Variants in STXBP6 observed in about 807,000 individuals in gnomAD.
STXBP6 encodes the protein syntaxin-binding protein 6.
Under a neutral mutation model 26.9 loss-of-function variants are expected in STXBP6, and 21 were observed. The observed-to-expected ratio is 0.78, with a 90% confidence interval of 0.55 to 1.12. The LOEUF (loss-of-function observed/expected upper bound fraction) is 1.12, where lower values mean the gene tolerates loss of function less well. Ranked by LOEUF, STXBP6 falls within the 50% of genes most tolerant of loss-of-function variation. The pLI is 0.00. For missense variants in STXBP6, 232 were observed against 257.9 expected, an observed-to-expected ratio of 0.90 and a Z score of 0.69; for synonymous variants, 97 against 92.6, an observed-to-expected ratio of 1.05 and a Z score of -0.27.
intron 1 of STXBP6, among the ~76,000 whole-genome samples, chr14:25,007,111 C>T (rs1188337584): frequency 6.6e-6 from 1 of 152,230 alleles, no homozygotes; most frequent in Non-Finnish European, 1.5e-5. Context: ...TATGACTATA[C>T]TGAACTATAT....
At chr14:24,892,546 T>C (rs2070829692) in intron 2 of STXBP6, among the ~76,000 whole-genome samples, 1 of 151,892 alleles carries the variant, frequency 6.6e-6, no homozygotes, top group Non-Finnish European at 1.5e-5. Flanking sequence ...CACCCCTTGG[T>C]TTGAGTCTTT....
chr14:25,000,285 G>A (rs188480610), intron 1 of STXBP6, among the ~76,000 whole-genome samples: 2 of 151,394 alleles, frequency 1.3e-5, no homozygotes, highest in Admixed American at 1.3e-4. Flanking sequence ...GGATGGTCTC[G>A]ATCTCCTGAC....
chr14:24,883,946 G>C (rs1247835633), intron 2 of STXBP6, among the ~76,000 whole-genome samples: 1 of 152,186 alleles, frequency 6.6e-6, no homozygotes. Context: ...TTTAAAACAA[G>C]GTTTAAACAT....
At chr14:24,891,007 T>A (rs1490052675) in intron 2 of STXBP6, among the ~76,000 whole-genome samples, 1 of 152,258 alleles carries the variant, frequency 6.6e-6, no homozygotes, top group Non-Finnish European at 1.5e-5. Flanking sequence ...TTTTGACCTT[T>A]ATCCTGAAAC....
At chr14:24,985,988 A>G (rs2140261188) in intron 1 of STXBP6, among the ~76,000 whole-genome samples, 1 of 152,350 alleles carries the variant, frequency 6.6e-6, no homozygotes, top group East Asian at 1.9e-4. Flanking sequence ...TTTTTTAAGT[A>G]AAAAACAGAG....
At chr14:24,995,011 C>CAAAAAAAAAAAAAAAAAAAAACAAAAA (rs34166172) in intron 1 of STXBP6, 1 of 96,604 alleles carries the variant, frequency 1.0e-5, no homozygotes, top group Non-Finnish European at 2.3e-5. Flanking sequence ...GACTCCATGT[C>CAAAAAAAAAAAAAAAAAAAAACAAAAA]AAAAAAAAAA....
chr14:24,881,075 G>A (rs2070339233), intron 2 of STXBP6, among the ~76,000 whole-genome samples: 1 of 151,522 alleles, frequency 6.6e-6, no homozygotes, highest in Non-Finnish European at 1.5e-5. Flanking sequence ...TACTTTGCAG[G>A]TAATGTTACC....
intron 1 of STXBP6, among the ~76,000 whole-genome samples, chr14:25,033,771 T>G (rs1264280305): frequency 6.6e-6 from 1 of 152,236 alleles, no homozygotes; most frequent in Non-Finnish European, 1.5e-5. Flanking sequence ...TTTATGCAAT[T>G]AGTTTAGCTC....
chr14:24,927,215 G>C (rs1261400928), intron 2 of STXBP6, among the ~76,000 whole-genome samples: 2 of 152,192 alleles, frequency 1.3e-5, no homozygotes, highest in Non-Finnish European at 2.9e-5. Context: ...CGTTGTGAGA[G>C]ATGAGAGCTT....
At chr14:24,833,509 T>C (rs1161102922) in intron 4 of STXBP6, among the ~76,000 whole-genome samples, 1 of 152,210 alleles carries the variant, frequency 6.6e-6, no homozygotes, top group East Asian at 1.9e-4. Context: ...TGTACAATAG[T>C]GGTATGTTGA....
intron 2 of STXBP6, among the ~76,000 whole-genome samples, chr14:24,902,734 T>A (rs1216265759): frequency 6.6e-6 from 1 of 152,154 alleles, no homozygotes; most frequent in African/African-American, 2.4e-5. Flanking sequence ...TGTAAGAAAG[T>A]TAATCAGAAA....
At chr14:24,885,003 T>A (rs2070521041) in intron 2 of STXBP6, among the ~76,000 whole-genome samples, 1 of 152,190 alleles carries the variant, frequency 6.6e-6, no homozygotes, top group South Asian at 2.1e-4. Flanking sequence ...TTTCCGAGAC[T>A]TCATTGCTTC....
chr14:25,035,600 GA>G (rs2075536786), intron 1 of STXBP6, among the ~76,000 whole-genome samples: 1 of 152,122 alleles, frequency 6.6e-6, no homozygotes, highest in African/African-American at 2.4e-5. Context: ...GTGACACCTG[GA>G]ATTCTTTACA....
At chr14:24,906,236 A>C (rs2071381899) in intron 2 of STXBP6, among the ~76,000 whole-genome samples, 1 of 152,176 alleles carries the variant, frequency 6.6e-6, no homozygotes, top group Admixed American at 6.6e-5. Context: ...GTTACTTTTC[A>C]ATTTACATAT....
rs1237695483 is a variant in STXBP6, at chr14:25,049,638, G to A, written c.-33+240C>T. On this transcript the variant is annotated intron_variant, in intron 1 of 5. Transcript: ENST00000323944. The surrounding 1 kb of genome is among the most constrained non-coding windows in gnomAD (Gnocchi z 5.6). ...GCACAACGGGTCCCAGGGTTGGAGA[G>A]AACCAGGGACACGAGTCCCTCTCTG... The A allele has an allele frequency of 1.0e-6, 1 of 985,496 alleles. No individual in the cohort carries two copies. Among genetic ancestry groups the A allele is most frequent in the Non-Finnish European group, 1.2e-6 (1 of 829,974 alleles). The allele number at this position is 985,496 out of a possible 1,614,324, so 61.0% of individuals were successfully genotyped here. A position where few individuals can be genotyped will look rare whatever the true frequency, so the allele number is the denominator to read the frequency against.
At chr14:24,874,751 C>T (rs916286873) in intron 2 of STXBP6, among the ~76,000 whole-genome samples, 1 of 152,174 alleles carries the variant, frequency 6.6e-6, no homozygotes, top group African/African-American at 2.4e-5. Flanking sequence ...ATGTTTCCTG[C>T]TGGGGGTCTT....
chr14:24,846,292 T>G (rs1566404930), intron 4 of STXBP6, among the ~76,000 whole-genome samples: 1 of 152,226 alleles, frequency 6.6e-6, no homozygotes, highest in Non-Finnish European at 1.5e-5. Context: ...ACAGCATTAT[T>G]CTATGTAGAA....
chr14:24,931,131 A>AC (rs2072379943), intron 2 of STXBP6, among the ~76,000 whole-genome samples: 30 of 139,266 alleles, frequency 2.2e-4, no homozygotes, highest in Admixed American at 4.4e-4. Flanking sequence ...AAAAAAAAAA[A>AC]AAAAAAAAAA....
At chr14:24,921,149 T>C (rs192108718) in intron 2 of STXBP6, among the ~76,000 whole-genome samples, 1 of 152,332 alleles carries the variant, frequency 6.6e-6, no homozygotes, top group East Asian at 1.9e-4. Flanking sequence ...ATGGGAATAG[T>C]ATCACTTACT....
Sources: gnomAD v4.1 joint callset for allele counts (sites outside exome capture counted in the v4.1 genomes callset) on GRCh38, gnomAD v4.1.1 for gene constraint, Gnocchi (gnomAD v3.1) non-coding constraint, MANE v1.5 for transcripts, NCBI Gene and HGNC (gene_info 2026-07-23, HGNC 2026-07-21) for gene names.